GPR137B: variants seen among roughly 807,000 people sequenced by gnomAD.
GPR137B encodes integral membrane protein GPR137B.
A neutral mutation model predicts 42.5 loss-of-function variants in GPR137B; 42 were observed. The observed-to-expected ratio is 0.99, with a 90% confidence interval of 0.77 to 1.28. The LOEUF (loss-of-function observed/expected upper bound fraction) is 1.28, where lower values mean the gene tolerates loss of function less well. Among genes scored for constraint, GPR137B ranks in the 50% most tolerant of loss-of-function variants. The pLI is 0.00. For synonymous variants in GPR137B, 218 were observed against 209.7 expected (o/e 1.04, Z -0.34); for missense variants, 487 against 493.9 (o/e 0.99, Z 0.13).
rs773647306 is a variant in GPR137B at position 236,208,169 on chromosome 1, C to A, written c.*11C>A. The A allele has an allele frequency of 1.2e-6, 2 of 1,613,462 alleles. No homozygotes were observed. Among genetic ancestry groups the A allele is most frequent in the Non-Finnish European group, 1.7e-6 (2 of 1,179,666 alleles). ...CCAAGCCTTGGGTAGCATCAGTTAA[C>A]AGTTTTATGGACGATTCCTCAGATG... On this transcript the variant is annotated 3_prime_UTR_variant, in exon 7 of 7. Transcript: ENST00000366592.
intron 1 of GPR137B, among the ~76,000 whole-genome samples, chr1:236,158,701 C>A (rs1662102512): frequency 6.6e-6 from 1 of 152,132 alleles, no homozygotes; most frequent in Non-Finnish European, 1.5e-5. Flanking sequence ...AGGGTCTCCT[C>A]AGGAGTCTCA....
intron 5 of GPR137B, among the ~76,000 whole-genome samples, chr1:236,201,591 C>G (rs1159919658): frequency 6.6e-6 from 1 of 152,034 alleles, no homozygotes; most frequent in Admixed American, 6.5e-5. Context: ...CCTCCAAGTG[C>G]GTCTTTCATT....
rs139806548 is a variant in GPR137B, at chr1:236,144,409, C to CA, written c.414+1380dup. Among the ~76,000 whole-genome samples the CA allele has an allele frequency of 9.9e-5, 15 of 151,212 alleles. 1 individual carries two copies. The East Asian group carries it at 2.9e-3, about 29-fold the overall frequency. ...TGGGTGACAGAGCTAGATCCTGTCT[C>CA]AAAAAAACAAACGAACAAACAAACA... is the stretch of plus-strand genomic sequence containing the variant. On this transcript the variant is annotated intron_variant, in intron 1 of 6. Transcript: ENST00000366592.
At chr1:236,200,602 CTCTT>C (rs1663465771) in intron 5 of GPR137B, among the ~76,000 whole-genome samples, 1 of 151,972 alleles carries the variant, frequency 6.6e-6, no homozygotes, top group Non-Finnish European at 1.5e-5. Context: ...AATAATGTCT[CTCTT>C]TGTCTTAACT....
chr1:236,152,701 C>G (rs1039949655), intron 1 of GPR137B, among the ~76,000 whole-genome samples: 1 of 151,668 alleles, frequency 6.6e-6, no homozygotes, highest in Non-Finnish European at 1.5e-5. Flanking sequence ...TTGCAGTGAG[C>G]CAAGATCGCA....
intron 2 of GPR137B, among the ~76,000 whole-genome samples, chr1:236,174,172 T>C (rs755809452): frequency 1.1e-4 from 16 of 152,210 alleles, no homozygotes; most frequent in Non-Finnish European, 2.2e-4. Context: ...CACACATATT[T>C]TTCCATATTG....
At chr1:236,164,913 AG>A (rs1662307152) in intron 1 of GPR137B, among the ~76,000 whole-genome samples, 1 of 139,888 alleles carries the variant, frequency 7.1e-6, no homozygotes, top group Non-Finnish European at 1.5e-5. Flanking sequence ...AGAGAGAGAG[AG>A]AGAGAGATGG....
chr1:236,159,493 G>A (rs1043494796), intron 1 of GPR137B, among the ~76,000 whole-genome samples: 5 of 151,784 alleles, frequency 3.3e-5, no homozygotes, highest in Admixed American at 1.3e-4. Flanking sequence ...GTGAAACCCC[G>A]TCTCTTTTTG....
At position 236,150,753 on chromosome 1, in the gene GPR137B, G is replaced by T. The variant is rs1483475908; in HGVS notation, c.414+7717G>T. 1.3e-5 allele frequency among the ~76,000 whole-genome samples: 2 copies of T among 152,112 alleles called. No homozygotes were observed. The highest frequency in any genetic ancestry group is 4.1e-4 in the South Asian group (2 of 4,830). ...CGGCTTCTTGCTCACCTGCCTTTCC[G>T]TAGTCAGACAGGCAGAACTGGTAGT... On this transcript the variant is annotated intron_variant, in intron 1 of 6. Transcript: ENST00000366592. The surrounding 1 kb of genome is among the most constrained non-coding windows in gnomAD (Gnocchi z 6.2).
chr1:236,148,749 C>T (rs1424394503), intron 1 of GPR137B, among the ~76,000 whole-genome samples: 6 of 152,058 alleles, frequency 3.9e-5, no homozygotes, highest in Non-Finnish European at 7.4e-5. Flanking sequence ...TGAGGGCCTG[C>T]GGCTCATGGT....
chr1:236,186,297 A>T (rs865884772), intron 5 of GPR137B, among the ~76,000 whole-genome samples: 13 of 94,956 alleles, frequency 1.4e-4, no homozygotes, highest in Admixed American at 5.0e-4. Context: ...ATAATATATA[A>T]TATATATTAT....
At chr1:236,190,967 T>G (rs1180824751) in intron 5 of GPR137B, among the ~76,000 whole-genome samples, 1 of 152,214 alleles carries the variant, frequency 6.6e-6, no homozygotes, top group Non-Finnish European at 1.5e-5. Context: ...CCCCATCACT[T>G]TCAGGTACAC....
At chr1:236,170,039 CAAAAAAAAA>C (rs11346365) in intron 2 of GPR137B, among the ~76,000 whole-genome samples, 4 of 36,842 alleles carry the variant, frequency 1.1e-4, no homozygotes, top group Non-Finnish European at 3.0e-4. Flanking sequence ...GAATCCATCT[CAAAAAAAAA>C]AAAAAAAAAA....
rs1329731810 is a variant in GPR137B, at chr1:236,186,269, T to TAATAA, written c.966+2363_966+2364insAATAA. Among the ~76,000 whole-genome samples the TAATAA allele has an allele frequency of 7.1e-4, 50 of 69,974 alleles. 13 individuals carry two copies. The highest frequency in any genetic ancestry group is 2.3e-3 in the East Asian group (7 of 3,084). The allele number at this position is 69,974 out of a possible 152,430, so 45.9% of individuals were successfully genotyped here. Reference sequence around the variant, plus strand: ...AATAATATATAATATATATTATATATTATATATAATAATATAAATAATATA... The same window carrying TAATAA: ...AATAATATATAATATATATTATATATAATAATATATATAATAATATAAATAATATA... On this transcript the variant is annotated intron_variant, in intron 5 of 6. Coordinates refer to ENST00000366592, the MANE Select transcript of GPR137B (RefSeq NM_003272.4).
intron 6 of GPR137B, chr1:236,207,330 G>T: frequency 1.0e-6 from 1 of 956,162 alleles, no homozygotes; most frequent in East Asian, 1.1e-4. Flanking sequence ...GAAGTCAAAA[G>T]CTGTCCTTTG....
At chr1:236,168,564 C>A in intron 1 of GPR137B, 142 bp from the exon 2 acceptor site, 1 of 660,586 alleles carries the variant, frequency 1.5e-6, no homozygotes, top group Non-Finnish European at 2.8e-6. Flanking sequence ...AAATGTTTGG[C>A]ATAACAAACG....
intron 1 of GPR137B, among the ~76,000 whole-genome samples, chr1:236,161,082 C>T (rs960325155): frequency 6.6e-6 from 1 of 152,076 alleles, no homozygotes; most frequent in African/African-American, 2.4e-5. Context: ...CCCTCCAATT[C>T]CCCGCCACGC....
intron 2 of GPR137B, among the ~76,000 whole-genome samples, chr1:236,172,479 A>G (rs1662565274): frequency 6.6e-6 from 1 of 152,162 alleles, no homozygotes; most frequent in Non-Finnish European, 1.5e-5. Flanking sequence ...ACTTAAAATC[A>G]CCTCTACCCT....
chr1:236,144,861 C>G (rs1661639872), intron 1 of GPR137B, among the ~76,000 whole-genome samples: 1 of 152,232 alleles, frequency 6.6e-6, no homozygotes, highest in Non-Finnish European at 1.5e-5. Context: ...CAGGGAACTG[C>G]CACAGCTCTC....
Sources: allele counts gnomAD v4.1 joint callset (sites outside exome capture counted in the v4.1 genomes callset), GRCh38; gene constraint gnomAD v4.1.1; non-coding constraint Gnocchi (gnomAD v3.1); transcripts MANE v1.5; gene names NCBI Gene and HGNC (gene_info 2026-07-23, HGNC 2026-07-21).